The following PRF1 variants were observed in gnomAD, a reference collection of about 807,000 sequenced individuals.
The protein encoded by PRF1 is perforin-1.
PRF1 carries 11 observed loss-of-function variants against 11.7 expected under a neutral mutation model. The observed-to-expected ratio is 0.94, with a 90% CI of 0.59 to 1.56. The LOEUF is 1.56. Ranked by LOEUF, PRF1 falls within the 40% of genes most tolerant of loss-of-function variation. PRF1 has a pLI of 0.00. For missense variants in PRF1, 729 were observed against 751.0 expected, an observed-to-expected ratio of 0.97 and a Z score of 0.34; for synonymous variants, 314 against 327.8, an observed-to-expected ratio of 0.96 and a Z score of 0.45.
At chr10:70,602,497 G>A (rs538684891) in intron 1 of PRF1, 148 bp downstream of exon 1, 1 of 152,348 alleles carries the variant, frequency 6.6e-6, no homozygotes, top group Non-Finnish European at 1.5e-5. Context: ...TGAGGCCCAG[G>A]GTGGACACAG....
intron 2 of PRF1, 21 bp from the exon 3 acceptor site, chr10:70,599,202 C>T: frequency 1.2e-6 from 2 of 1,613,848 alleles, no homozygotes; most frequent in East Asian, 2.2e-5. Flanking sequence ...AGAGAGACCT[C>T]AGCTGGGCCC....
In PRF1 at chr10:70,599,111, A is replaced by G. The variant is rs1178490253; in HGVS notation, c.610T>C (p.Phe204Leu). ...KRALGDLPHHFNASTQPAYLR... is the reference protein window; with the variant it reads ...KRALGDLPHHLNASTQPAYLR... ...TAGGCGGGCTGGGTGGAGGCGTTGA[A>G]GTGGTGGGGCAGGTCCCCGAGGGCC... is the stretch of plus-strand genomic sequence containing the variant. Residue 204 changes from phenylalanine (F) to leucine (L), a missense_variant, in exon 3 of 3, where the codon TTC becomes CTC. Physicochemically the swap from Phe to Leu is conservative, Grantham distance 22 (BLOSUM62 0). Coordinates refer to ENST00000441259, the MANE Select transcript of PRF1 (RefSeq NM_001083116.3). The G allele has an allele frequency of 7.4e-6, 12 of 1,614,130 alleles. No homozygotes were observed. Among genetic ancestry groups the G allele is most frequent in the Non-Finnish European group, 1.0e-5 (12 of 1,180,010 alleles).
rs10999426 is a variant in PRF1 at position 70,600,282 on chromosome 10, G to A, written c.539+82C>T. ...AAGCAGCCTCCAAGTTTGATTGGAG[G>A]ACTCTGCCTTTCCAGGGCTCCTAGA... is the stretch of plus-strand genomic sequence containing the variant. On this transcript the variant is annotated intron_variant, in intron 2 of 2. Coordinates refer to ENST00000441259, the MANE Select transcript of PRF1 (RefSeq NM_001083116.3). The surrounding 1 kb of genome is among the most constrained non-coding windows in gnomAD (Gnocchi z 4.9). The A allele has an allele frequency of 0.29, 450,256 of 1,573,042 alleles. 69,802 individuals carry two copies. The highest frequency in any genetic ancestry group is 0.32 in the Non-Finnish European group (374,741 of 1,162,290).
At position 70,600,238 on chromosome 10, in the gene PRF1, T is replaced by G; in HGVS notation, c.539+126A>C. 6.7e-7 allele frequency: 1 copy of G among 1,493,274 alleles called. No individual in the cohort carries two copies. The highest frequency in any genetic ancestry group is 2.5e-5 in the East Asian group (1 of 40,640). 92.5% of individuals were successfully genotyped at this position (1,493,274 alleles called of 1,614,324 possible). Reference sequence around the variant, plus strand: ...TCACCTGAAGTCTGAGAGCCAGGATTGCAGTTTCTTCCTGGTGGAAGCAGC... The same window carrying G: ...TCACCTGAAGTCTGAGAGCCAGGATGGCAGTTTCTTCCTGGTGGAAGCAGC... On this transcript the variant is annotated intron_variant, in intron 2 of 2. Coordinates refer to ENST00000441259, the MANE Select transcript of PRF1 (RefSeq NM_001083116.3). The surrounding 1 kb of genome is among the most constrained non-coding windows in gnomAD (Gnocchi z 4.9).
intron 2 of PRF1, among the ~76,000 whole-genome samples, 174 bp from the exon 3 acceptor site, chr10:70,599,355 C>T (rs540047317): frequency 1.1e-4 from 16 of 152,286 alleles, no homozygotes; most frequent in African/African-American, 2.6e-4. Context: ...GGAATGCCTC[C>T]GCTCTCACCC....
At position 70,598,481 on chromosome 10, in the gene PRF1, G is replaced by C. The variant is rs752431340; in HGVS notation, c.1240C>G (p.Leu414Val). 7 of 1,613,470 alleles carry C rather than the reference G, an allele frequency of 4.3e-6. No individual in the cohort carries two copies. Among genetic ancestry groups the C allele is most frequent in the Non-Finnish European group, 5.9e-6 (7 of 1,180,024 alleles). ...TQDCCPRQRG[L>V]AQLEVTFIQA... ...ATGAAGGTCACCTCCAGCTGGGCCAGGCCCCTCTGCCGAGGGCAGCAGTCC... is the reference window on the plus strand; with the variant it reads ...ATGAAGGTCACCTCCAGCTGGGCCACGCCCCTCTGCCGAGGGCAGCAGTCC... The change falls in exon 3 of 3, where the codon CTG (leucine) becomes GTG (valine). Residue 414 changes from leucine to valine, a missense_variant. Coordinates refer to ENST00000441259, the MANE Select transcript of PRF1 (RefSeq NM_001083116.3).
Position 70,600,975 on chromosome 10 carries a change from T to C in PRF1, c.-30-43A>G, listed in dbSNP as rs12242216. 821 of 1,536,160 alleles carry C rather than the reference T, an allele frequency of 5.3e-4. 4 individuals carry two copies. The African/African-American group carries it at 9.9e-3, about 18-fold the overall frequency. On this transcript the variant is annotated intron_variant, in intron 1 of 2. Transcript: ENST00000441259. The surrounding 1 kb of genome is among the most constrained non-coding windows in gnomAD (Gnocchi z 4.9). ...GAGGGATGGAGGATGACTGCTCCCT[T>C]CCCCCACAGCCACAGATTATCAGGG...
chr10:70,600,725 G>A lies in PRF1; in HGVS notation c.178C>T (p.Pro60Ser), dbSNP rs1472732455. 8 of 1,613,818 alleles carry A rather than the reference G, an allele frequency of 5.0e-6. No homozygotes were observed. The highest frequency in any genetic ancestry group is 4.5e-5 in the East Asian group (2 of 44,858). ...CGCAGGAACCTTTGTGTGTCCACTG[G>A]GAAGGAGCCCGAGCGGCGGAGGCTG... ...VTSLRRSGSF[P>S]VDTQRFLRPD... Residue 60 changes from proline (P) to serine (S), a missense_variant, in exon 2 of 3, where the codon CCA becomes TCA. Physicochemically the swap from Pro to Ser is moderately conservative, Grantham distance 74. Transcript: ENST00000441259. This position sits in a 1 kb window ranked among gnomAD's most constrained non-coding sequence, Gnocchi z 4.9.
At position 70,598,323 on chromosome 10, in the gene PRF1, A is replaced by G; in HGVS notation, c.1398T>C (p.Asp466=). The G allele has an allele frequency of 6.2e-7, 1 of 1,614,044 alleles. No homozygotes were observed. The highest frequency in any genetic ancestry group is 8.5e-7 in the Non-Finnish European group (1 of 1,179,992). ...CTGTGGCCAGGAGCACATCCCCAAAATCCAGCCGCACTGACCAGATGGGGT... is the reference window on the plus strand; with the variant it reads ...CTGTGGCCAGGAGCACATCCCCAAAGTCCAGCCGCACTGACCAGATGGGGT... The part of the protein sequence containing the change: ...NNNPIWSVRL[D]FGDVLLATGG... The change falls in exon 3 of 3, where the codon GAT becomes GAC. Residue 466 remains aspartate, a synonymous_variant. Coordinates refer to ENST00000441259, the MANE Select transcript of PRF1 (RefSeq NM_001083116.3).
In PRF1 at chr10:70,598,839, T is replaced by C; in HGVS notation, c.882A>G (p.Gln294=). 1 of 1,614,200 alleles carries C rather than the reference T, an allele frequency of 6.2e-7. No homozygotes were observed. Among genetic ancestry groups the C allele is most frequent in the Non-Finnish European group, 8.5e-7 (1 of 1,180,030 alleles). ...KKHKMTASFH[Q]TYRERHSEVV... Reference sequence around the variant, plus strand: ...CTTCCGAGTGGCGCTCCCGGTAGGTTTGGTGGAAGGAGGCCGTCATCTTGT... The same window carrying C: ...CTTCCGAGTGGCGCTCCCGGTAGGTCTGGTGGAAGGAGGCCGTCATCTTGT... The change falls in exon 3 of 3, where the codon CAA becomes CAG. Residue 294 remains glutamine (Q), a synonymous_variant. Transcript: ENST00000441259.
rs1450588875 is a variant in PRF1, at chr10:70,597,401, C to A, written c.*652G>T. 3.1e-6 allele frequency: 1 copy of A among 321,168 alleles called. No homozygotes were observed. Among genetic ancestry groups the A allele is most frequent in the East Asian group, 4.6e-5 (1 of 21,832 alleles). 19.9% of individuals were successfully genotyped at this position (321,168 alleles called of 1,614,324 possible). A position where few individuals can be genotyped will look rare whatever the true frequency, so the allele number is the denominator to read the frequency against. On this transcript the variant is annotated 3_prime_UTR_variant, in exon 3 of 3. Transcript: ENST00000441259. ...TTATCAAGCTATGTACATGGTGAGA[C>A]AGGTCAGGACAGGCCTCCATTTGTC...
Position 70,600,960 on chromosome 10 carries a change from G to A in PRF1, c.-30-28C>T. ...GGGAAGCCATGGGTGGAGGGATGGA[G>A]GATGACTGCTCCCTTCCCCCACAGC... On this transcript the variant is annotated intron_variant, in intron 1 of 2. Transcript: ENST00000441259. The surrounding 1 kb of genome is among the most constrained non-coding windows in gnomAD (Gnocchi z 4.9). The A allele has an allele frequency of 1.3e-6, 2 of 1,543,142 alleles. No homozygotes were observed. The highest frequency in any genetic ancestry group is 1.7e-6 in the Non-Finnish European group (2 of 1,147,608).
In PRF1 at chr10:70,598,956, C is replaced by T; in HGVS notation, c.765G>A (p.Glu255=). Residue 255 remains glutamate (E), a synonymous_variant, in exon 3 of 3, where the codon GAG becomes GAA. Coordinates refer to ENST00000441259, the MANE Select transcript of PRF1 (RefSeq NM_001083116.3). Reference sequence around the variant, plus strand: ...CCTGGGCCTCGACAGTCAGGCAGTCCTCCACCTCGTTGTCCGTGAGCCCTT... The same window carrying T: ...CCTGGGCCTCGACAGTCAGGCAGTCTTCCACCTCGTTGTCCGTGAGCCCTT... ...ALEGLTDNEV[E]DCLTVEAQVN... is the part of the protein sequence containing the mutation. 2 of 1,614,250 alleles carry T rather than the reference C, an allele frequency of 1.2e-6. No individual in the cohort carries two copies. The highest frequency in any genetic ancestry group is 1.7e-6 in the Non-Finnish European group (2 of 1,180,042).
chr10:70,600,472 T>G lies in PRF1; in HGVS notation c.431A>C (p.His144Pro). The change falls in exon 2 of 3, where the codon CAT (histidine) becomes CCT (proline). Residue 144 changes from histidine (H) to proline (P), a missense_variant. By Grantham distance (77) the His-to-Pro change is moderately conservative. Coordinates refer to ENST00000441259, the MANE Select transcript of PRF1 (RefSeq NM_001083116.3). The surrounding 1 kb of genome is among the most constrained non-coding windows in gnomAD (Gnocchi z 4.9). Reference sequence around the variant, plus strand: ...TGAGTGTGAGCCGGCCACAGACACATGCACATTGCTGGTGGGCTTAGGAGT... The same window carrying G: ...TGAGTGTGAGCCGGCCACAGACACAGGCACATTGCTGGTGGGCTTAGGAGT... ...DVTPKPTSNV[H>P]VSVAGSHSQA... 2 of 1,614,196 alleles carry G rather than the reference T, an allele frequency of 1.2e-6. No homozygotes were observed. The highest frequency in any genetic ancestry group is 1.7e-6 in the Non-Finnish European group (2 of 1,180,028).
chr10:70,598,346 G>T lies in PRF1; in HGVS notation c.1375C>A (p.Pro459Thr). ...AAATCCAGCCGCACTGACCAGATGGGGTTGTTATTGTCCCACACGGTGCTC... is the reference window on the plus strand; with the variant it reads ...AAATCCAGCCGCACTGACCAGATGGTGTTGTTATTGTCCCACACGGTGCTC... ...RTSTVWDNNN[P>T]IWSVRLDFGD... Residue 459 changes from proline (P) to threonine (T), a missense_variant, in exon 3 of 3, where the codon CCC (proline) becomes ACC (threonine). Transcript: ENST00000441259. 6.2e-7 allele frequency: 1 copy of T among 1,614,190 alleles called. No homozygotes were observed. The highest frequency in any genetic ancestry group is 8.5e-7 in the Non-Finnish European group (1 of 1,180,038).
chr10:70,600,855 G>C lies in PRF1; in HGVS notation c.48C>G (p.Pro16=). ...LLLGILLLLL[P]LPVPAPCHTA... ...TGTGGCACGGGGCAGGGACGGGCAG[G>C]GGCAGCAGCAGGAGAAGGATGCCCA... The change falls in exon 2 of 3, where the codon CCC becomes CCG. Residue 16 remains proline, a synonymous_variant. Transcript: ENST00000441259. The surrounding 1 kb of genome is among the most constrained non-coding windows in gnomAD (Gnocchi z 4.9). 2.5e-6 allele frequency: 4 copies of C among 1,609,266 alleles called. No individual in the cohort carries two copies. Among genetic ancestry groups the C allele is most frequent in the Non-Finnish European group, 3.4e-6 (4 of 1,178,284 alleles).
In PRF1 at chr10:70,600,002, G is replaced by C. The variant is rs1040849786; in HGVS notation, c.539+362C>G. ...ACACAGCGATGAGGAAGGATGACCC[G>C]GCCAGGTCTCCTGCCTCTGTCCCTA... On this transcript the variant is annotated intron_variant, in intron 2 of 2. Transcript: ENST00000441259. This position sits in a 1 kb window ranked among gnomAD's most constrained non-coding sequence, Gnocchi z 4.9. Among the ~76,000 whole-genome samples, 9 of 152,170 alleles carry C rather than the reference G, an allele frequency of 5.9e-5. No individual in the cohort carries two copies. Among genetic ancestry groups the C allele is most frequent in the African/African-American group, 1.9e-4 (8 of 41,434 alleles).
At chr10:70,601,094 C>G (rs186333078) in intron 1 of PRF1, among the ~76,000 whole-genome samples, 162 bp from the exon 2 acceptor site, 37 of 152,334 alleles carry the variant, frequency 2.4e-4, no homozygotes, top group Admixed American at 2.4e-3. Flanking sequence ...TCAGCCCCCA[C>G]ATTGTACAGA....
rs1848183324 is a variant in PRF1, at chr10:70,599,140, T to C, written c.581A>G (p.Lys194Arg). 1 of 1,614,188 alleles carries C rather than the reference T, an allele frequency of 6.2e-7. No homozygotes were observed. The highest frequency in any genetic ancestry group is 1.3e-5 in the African/African-American group (1 of 75,064). ...VHTPPLHPDF[K>R]RALGDLPHHF... ...GTGGGGCAGGTCCCCGAGGGCCCTC[T>C]TGAAGTCAGGGTGCAGCGGGGGAGT... Residue 194 changes from lysine to arginine, a missense_variant, in exon 3 of 3, where the codon AAG becomes AGG. Lys to Arg is a conservative substitution (Grantham distance 26, BLOSUM62 2). Transcript: ENST00000441259.
Sources: gnomAD v4.1 joint callset for allele counts (sites outside exome capture counted in the v4.1 genomes callset) on GRCh38, gnomAD v4.1.1 for gene constraint, Gnocchi (gnomAD v3.1) non-coding constraint, MANE v1.5 for transcripts, NCBI Gene and HGNC (gene_info 2026-07-23, HGNC 2026-07-21) for gene names.